NUBPL: variants seen among roughly 807,000 people sequenced by gnomAD.
NUBPL encodes the protein iron-sulfur cluster transfer protein NUBPL.
In NUBPL, 31 loss-of-function variants were observed where a neutral mutation model predicts 45.7. The observed-to-expected ratio is 0.68, with a 90% CI of 0.51 to 0.92. The LOEUF is 0.92. NUBPL is among the 40% of genes least tolerant of loss of function. NUBPL has a pLI of 0.00. For missense variants in NUBPL, 401 were observed against 398.7 expected, an observed-to-expected ratio of 1.01 and a Z score of -0.05; for synonymous variants, 144 against 140.9, an observed-to-expected ratio of 1.02 and a Z score of -0.15.
At chr14:31,574,582 C>T (rs1255751894) in intron 3 of NUBPL, among the ~76,000 whole-genome samples, 47 of 66,944 alleles carry the variant, frequency 7.0e-4, no homozygotes, top group South Asian at 4.6e-3. Context: ...TTCTTTCCTT[C>T]TTTTTTTTTT....
At chr14:31,688,612 AATCTTTGAGGAGAAAGGCT>A (rs2037014664) in intron 6 of NUBPL, among the ~76,000 whole-genome samples, 1 of 149,600 alleles carries the variant, frequency 6.7e-6, no homozygotes, top group Non-Finnish European at 1.5e-5. Flanking sequence ...AAAAAAAGAA[AATCTTTGAGGAGAAAGGCT>A]ATCTGCCTGA....
At chr14:31,672,397 G>T (rs993338912) in intron 4 of NUBPL, among the ~76,000 whole-genome samples, 2 of 151,752 alleles carry the variant, frequency 1.3e-5, no homozygotes, top group Non-Finnish European at 2.9e-5. Flanking sequence ...GAATAAAATT[G>T]GACAAAATTA....
chr14:31,857,610 C>T (rs1050585666), intron 10 of NUBPL, among the ~76,000 whole-genome samples: 2 of 152,188 alleles, frequency 1.3e-5, no homozygotes, highest in Non-Finnish European at 2.9e-5. Context: ...TTAGAAATTT[C>T]TTCTGCCAGG....
rs533955284 is a variant in NUBPL at position 31,561,724 on chromosome 14, CAGTT to C, written c.108+180_108+183del. ...CTGAGGCGTGGCGGGACTTGAAACA[CAGTT>C]AGAACGTAGATGTGGTATTCTACAT... On this transcript the variant is annotated intron_variant, in intron 1 of 10. Coordinates refer to ENST00000281081, the MANE Select transcript of NUBPL (RefSeq NM_025152.3). 4.7e-4 allele frequency: 265 copies of C among 560,628 alleles called. No homozygotes were observed. The East Asian group carries it at 7.6e-3, about 16-fold the overall frequency. The allele number at this position is 560,628 out of a possible 1,614,324, so 34.7% of individuals were successfully genotyped here.
chr14:31,851,232 T>C (rs186864850), intron 10 of NUBPL, among the ~76,000 whole-genome samples: 53 of 134,658 alleles, frequency 3.9e-4, no homozygotes, highest in African/African-American at 1.8e-3. Flanking sequence ...TCTAATAGTT[T>C]TTCTTTTTTT....
chr14:31,858,103 G>A (rs2040654296), intron 10 of NUBPL, among the ~76,000 whole-genome samples: 1 of 152,200 alleles, frequency 6.6e-6, no homozygotes, highest in Non-Finnish European at 1.5e-5. Flanking sequence ...GAAGGTGAAA[G>A]GCAAGGAGGA....
At chr14:31,711,730 A>C (rs35731734) in intron 6 of NUBPL, among the ~76,000 whole-genome samples, 43,969 of 151,874 alleles carry the variant, frequency 0.29, 7,362 homozygotes, top group South Asian at 0.41. Context: ...GTGAAGTTGC[A>C]GACCTTCGCG....
At chr14:31,584,702 C>T (rs2033950350) in intron 3 of NUBPL, among the ~76,000 whole-genome samples, 2 of 152,128 alleles carry the variant, frequency 1.3e-5, no homozygotes, top group Non-Finnish European at 1.5e-5. Flanking sequence ...ATGGAATTGT[C>T]TTAGGTTGGG....
intron 7 of NUBPL, among the ~76,000 whole-genome samples, chr14:31,806,071 A>G (rs1293151057): frequency 6.6e-6 from 1 of 152,206 alleles, no homozygotes; most frequent in East Asian, 1.9e-4. Flanking sequence ...AGAAAAAAAT[A>G]CAAATCCCAC....
At chr14:31,820,156 A>AAG (rs1177906109) in intron 7 of NUBPL, among the ~76,000 whole-genome samples, 3 of 151,090 alleles carry the variant, frequency 2.0e-5, no homozygotes, top group African/African-American at 7.4e-5. Flanking sequence ...AAAAAAAAGA[A>AAG]AAAGAAAAAA....
intron 4 of NUBPL, among the ~76,000 whole-genome samples, chr14:31,662,654 T>C (rs2036302311): frequency 6.6e-6 from 1 of 152,222 alleles, no homozygotes; most frequent in South Asian, 2.1e-4. Context: ...CATGAACTCA[T>C]CCTTTTTATG....
chr14:31,770,987 C>T (rs186443726), intron 6 of NUBPL, among the ~76,000 whole-genome samples: 38 of 152,176 alleles, frequency 2.5e-4, no homozygotes, highest in African/African-American at 8.9e-4. Context: ...AAAATATGTT[C>T]AAAAAGCTGT....
intron 4 of NUBPL, among the ~76,000 whole-genome samples, chr14:31,634,087 T>C (rs889239594): frequency 3.9e-5 from 6 of 152,000 alleles, no homozygotes; most frequent in Non-Finnish European, 8.8e-5. Context: ...TTTTTTAATT[T>C]AATTTTATTA....
chr14:31,752,912 T>C (rs1394780310), intron 6 of NUBPL, among the ~76,000 whole-genome samples: 4 of 152,220 alleles, frequency 2.6e-5, no homozygotes, highest in Non-Finnish European at 5.9e-5. Context: ...TTTCTTCATA[T>C]GGTGGCAATA....
At chr14:31,771,403 G>A (rs375511755) in intron 6 of NUBPL, among the ~76,000 whole-genome samples, 2 of 152,044 alleles carry the variant, frequency 1.3e-5, no homozygotes, top group Non-Finnish European at 2.9e-5. Context: ...TTTTCTATGG[G>A]TATACAAGTT....
At chr14:31,732,952 A>G (rs753204961) in intron 6 of NUBPL, among the ~76,000 whole-genome samples, 1 of 152,022 alleles carries the variant, frequency 6.6e-6, no homozygotes, top group Non-Finnish European at 1.5e-5. Context: ...TCCTAAGACA[A>G]CTTTGCCTAT....
chr14:31,603,321 A>T (rs1167988947), intron 4 of NUBPL, among the ~76,000 whole-genome samples: 1 of 151,586 alleles, frequency 6.6e-6, no homozygotes, highest in Non-Finnish European at 1.5e-5. Context: ...AAAAAAAGAA[A>T]AAGAAAAGAA....
chr14:31,799,285 A>G (rs774415877), intron 7 of NUBPL, among the ~76,000 whole-genome samples: 1 of 152,086 alleles, frequency 6.6e-6, no homozygotes, highest in Non-Finnish European at 1.5e-5. Context: ...AGAAAATACT[A>G]TACATTTGGA....
Position 31,663,852 on chromosome 14 carries a change from T to C in NUBPL, c.383-9503T>C, listed in dbSNP as rs527550005. ...GGCAGTATGGCCATTTTCACAATATTGAATGTTCCTATCCATGAACACAGA... is the reference window on the plus strand; with the variant it reads ...GGCAGTATGGCCATTTTCACAATATCGAATGTTCCTATCCATGAACACAGA... On this transcript the variant is annotated intron_variant, in intron 4 of 10. Coordinates refer to ENST00000281081, the MANE Select transcript of NUBPL (RefSeq NM_025152.3). Among the ~76,000 whole-genome samples, 6 of 152,358 alleles carry C rather than the reference T, an allele frequency of 3.9e-5. No homozygotes were observed. The East Asian group carries it at 9.6e-4, about 24-fold the overall frequency.
Sources: allele counts gnomAD v4.1 joint callset (sites outside exome capture counted in the v4.1 genomes callset), GRCh38; gene constraint gnomAD v4.1.1; transcripts MANE v1.5; gene names NCBI Gene and HGNC (gene_info 2026-07-23, HGNC 2026-07-21).